GRM7: variants seen among roughly 807,000 people sequenced by gnomAD.
GRM7 encodes the protein glutamate metabotropic receptor 7.
Under a neutral mutation model 84.5 loss-of-function variants are expected in GRM7, and 35 were observed. The ratio of observed to expected loss-of-function variants is 0.41; its 90% CI spans 0.32 to 0.55. The LOEUF is 0.55. Ranked by LOEUF, GRM7 falls within the 20% of genes least tolerant of loss-of-function variation. GRM7 has a pLI of 0.19. For synonymous variants in GRM7, 487 were observed against 455.1 expected, an observed-to-expected ratio of 1.07 and a Z score of -0.89; for missense variants, 1,003 against 1,194.6, an observed-to-expected ratio of 0.84 and a Z score of 2.36.
intron 8 of GRM7, among the ~76,000 whole-genome samples, chr3:7,596,871 T>A (rs1037195296): frequency 3.9e-5 from 6 of 152,126 alleles, no homozygotes; most frequent in African/African-American, 1.4e-4. Flanking sequence ...GAGAGGGTTA[T>A]AGGATCAAGG....
intron 2 of GRM7, among the ~76,000 whole-genome samples, chr3:7,286,166 G>A (rs1413024351): frequency 1.3e-5 from 2 of 152,146 alleles, no homozygotes; most frequent in South Asian, 4.1e-4. Context: ...TAATCATAAA[G>A]GTGATTGCTT....
At chr3:7,048,341 G>T (rs1330592781) in intron 1 of GRM7, among the ~76,000 whole-genome samples, 1 of 151,612 alleles carries the variant, frequency 6.6e-6, no homozygotes, top group Non-Finnish European at 1.5e-5. Flanking sequence ...TTGCAATTTT[G>T]TCTATAATAC....
intron 1 of GRM7, among the ~76,000 whole-genome samples, chr3:7,076,372 A>G (rs186671478): frequency 3.4e-4 from 52 of 152,224 alleles, no homozygotes; most frequent in African/African-American, 1.3e-3. Flanking sequence ...AGGTGATTGG[A>G]TCATGAGGAC....
chr3:7,533,002 C>G (rs1398020714), intron 7 of GRM7, among the ~76,000 whole-genome samples: 1 of 151,886 alleles, frequency 6.6e-6, no homozygotes, highest in African/African-American at 2.4e-5. Context: ...TCATAAAGCA[C>G]GTTCTTAGAG....
intron 1 of GRM7, among the ~76,000 whole-genome samples, chr3:6,878,823 C>T (rs1351038904): frequency 3.9e-5 from 6 of 152,148 alleles, no homozygotes; most frequent in African/African-American, 1.2e-4. Flanking sequence ...ATCAGATCTG[C>T]CTGAAAGTTT....
At chr3:7,659,174 G>A (rs1483375079) in intron 8 of GRM7, among the ~76,000 whole-genome samples, 2 of 152,154 alleles carry the variant, frequency 1.3e-5, no homozygotes, top group African/African-American at 4.8e-5. Context: ...TCTTGAAAAT[G>A]TTCCCCATGA....
chr3:7,634,099 C>T (rs1394605559), intron 8 of GRM7, among the ~76,000 whole-genome samples: 2 of 152,062 alleles, frequency 1.3e-5, no homozygotes, highest in Admixed American at 6.6e-5. Context: ...CATGGTATTT[C>T]GCCCAAATGT....
intron 1 of GRM7, among the ~76,000 whole-genome samples, chr3:6,884,743 A>C (rs544750756): frequency 1.3e-5 from 2 of 151,624 alleles, no homozygotes; most frequent in Non-Finnish European, 2.9e-5. Context: ...GGGATTACAG[A>C]CGCCCACCAC....
chr3:7,276,205 A>G (rs5011603), intron 2 of GRM7, among the ~76,000 whole-genome samples: 37,335 of 88,592 alleles, frequency 0.42, 5,626 homozygotes, highest in Admixed American at 0.49. Flanking sequence ...ATATATATAT[A>G]TATGTGTGTG....
intron 4 of GRM7, among the ~76,000 whole-genome samples, chr3:7,337,354 CAA>C (rs1315983159): frequency 1.3e-5 from 2 of 152,008 alleles, no homozygotes; most frequent in Non-Finnish European, 2.9e-5. Context: ...TTAGCTTAGG[CAA>C]ATAGTTCGTG....
chr3:7,261,270 T>C (rs1373350163), intron 2 of GRM7, among the ~76,000 whole-genome samples: 4 of 152,244 alleles, frequency 2.6e-5, no homozygotes, highest in South Asian at 2.1e-4. Context: ...TCCTGTATCA[T>C]TGTGTTGCAA....
At chr3:7,612,723 GCCAT>G (rs1043597125) in intron 8 of GRM7, among the ~76,000 whole-genome samples, 7 of 152,144 alleles carry the variant, frequency 4.6e-5, no homozygotes, top group African/African-American at 1.7e-4. Flanking sequence ...TTGGGAAATG[GCCAT>G]CCATATTTGT....
intron 2 of GRM7, among the ~76,000 whole-genome samples, chr3:7,220,360 G>T (rs1483921060): frequency 6.6e-6 from 1 of 152,160 alleles, no homozygotes; most frequent in Non-Finnish European, 1.5e-5. Flanking sequence ...AATGAGCATA[G>T]CACTTTATTC....
At chr3:7,215,717 T>C (rs1696587355) in intron 2 of GRM7, among the ~76,000 whole-genome samples, 1 of 151,914 alleles carries the variant, frequency 6.6e-6, no homozygotes, top group Non-Finnish European at 1.5e-5. Context: ...CTCTGAAAAG[T>C]TGTAATATGT....
intron 1 of GRM7, among the ~76,000 whole-genome samples, chr3:6,913,407 C>G (rs1459555196): frequency 2.0e-5 from 3 of 152,096 alleles, no homozygotes; most frequent in Non-Finnish European, 1.5e-5. Context: ...AGGTTACCAA[C>G]TTAGAAAAGT....
rs148499746 is a variant in GRM7 at position 7,446,180 on chromosome 3, G to A, written c.1175-6427G>A. ...AAATTGTGTAATGCAAAGTCTAAAA[G>A]CACTGCCAGCACAAGTGTACACAGC... On this transcript the variant is annotated intron_variant, in intron 5 of 9. Transcript: ENST00000357716. 7.2e-4 allele frequency among the ~76,000 whole-genome samples: 109 copies of A among 152,288 alleles called. 1 individual carries two copies. Among genetic ancestry groups the A allele is most frequent in the African/African-American group, 2.5e-3 (102 of 41,564 alleles).
At chr3:7,462,320 G>C (rs902789616) in intron 7 of GRM7, among the ~76,000 whole-genome samples, 1 of 152,070 alleles carries the variant, frequency 6.6e-6, no homozygotes, top group South Asian at 2.1e-4. Flanking sequence ...TTCTATTTAG[G>C]CCTTGAAATA....
intron 9 of GRM7, among the ~76,000 whole-genome samples, chr3:7,684,343 C>G (rs1700496057): frequency 6.6e-6 from 1 of 152,180 alleles, no homozygotes; most frequent in Non-Finnish European, 1.5e-5. Context: ...ACAATATTTT[C>G]TGAGGGAGGG....
chr3:7,383,029 C>T (rs548495539), intron 4 of GRM7, among the ~76,000 whole-genome samples: 15 of 152,150 alleles, frequency 9.9e-5, no homozygotes, highest in East Asian at 1.9e-4. Flanking sequence ...TGATTTTTCT[C>T]GTGCTCCTTA....
Sources: gnomAD v4.1 joint callset for allele counts (sites outside exome capture counted in the v4.1 genomes callset) on GRCh38, gnomAD v4.1.1 for gene constraint, MANE v1.5 for transcripts, NCBI Gene and HGNC (gene_info 2026-07-23, HGNC 2026-07-21) for gene names.